The following AAK1 variants were observed in gnomAD, a reference collection of about 807,000 sequenced individuals.
AAK1 encodes AP2 associated kinase 1.
AAK1 carries 37 observed loss-of-function variants against 116.0 expected under a neutral mutation model. That is an observed-to-expected ratio of 0.32 (90% CI 0.25 to 0.42). The LOEUF (loss-of-function observed/expected upper bound fraction) is 0.42. Ranked by LOEUF, AAK1 falls within the 10% of genes least tolerant of loss-of-function variation. The pLI, the probability that AAK1 is intolerant of heterozygous loss-of-function variation, is 1.00. For missense variants in AAK1, 919 were observed against 1,170.6 expected (o/e 0.79, Z 3.14); for synonymous variants, 458 against 439.9 (o/e 1.04, Z -0.51).
intron 3 of AAK1, among the ~76,000 whole-genome samples, chr2:69,549,416 A>ATTAT (rs1431434254): frequency 2.0e-5 from 3 of 152,182 alleles, no homozygotes; most frequent in Admixed American, 6.5e-5. Context: ...GTGAAATAGC[A>ATTAT]TTATTTAGAC....
intron 2 of AAK1, among the ~76,000 whole-genome samples, chr2:69,627,745 G>C (rs1483371471): frequency 6.6e-6 from 1 of 152,116 alleles, no homozygotes; most frequent in Non-Finnish European, 1.5e-5. Flanking sequence ...CTCCATTTCA[G>C]TTTTCATTCC....
At position 69,530,698 on chromosome 2, in the gene AAK1, G is replaced by A; in HGVS notation, c.665C>T (p.Thr222Met). 1.9e-6 allele frequency: 3 copies of A among 1,611,854 alleles called. No homozygotes were observed. Among genetic ancestry groups the A allele is most frequent in the Non-Finnish European group, 2.5e-6 (3 of 1,178,056 alleles). Reference sequence around the variant, plus strand: ...CATTTCTGGTGCTCGATAGGACAGCGTTGTGTATCTACAATCAAGAGATTC... The same window carrying A: ...CATTTCTGGTGCTCGATAGGACAGCATTGTGTATCTACAATCAAGAGATTC... ...AVEDEIKKYTTLSYRAPEMVN... is the reference protein window; with the variant it reads ...AVEDEIKKYTMLSYRAPEMVN... The change falls in exon 7 of 22, where the codon ACG (threonine) becomes ATG (methionine). Residue 222 changes from threonine (T) to methionine (M), a missense_variant. Physicochemically the swap from Thr to Met is moderately conservative, Grantham distance 81. Around this residue, in one of 4 missense-constraint regions of AAK1, gnomAD observed 317 missense variants for 490.4 expected, o/e 0.65. Coordinates refer to ENST00000409085, the MANE Select transcript of AAK1 (RefSeq NM_014911.5).
chr2:69,624,701 A>C (rs963535915), intron 2 of AAK1, among the ~76,000 whole-genome samples: 11 of 152,354 alleles, frequency 7.2e-5, no homozygotes, highest in African/African-American at 2.6e-4. Context: ...CATTGCTTCA[A>C]GTTTCCTAGT....
chr2:69,632,816 G>A (rs1459871639), intron 2 of AAK1, among the ~76,000 whole-genome samples: 1 of 151,988 alleles, frequency 6.6e-6, no homozygotes, highest in African/African-American at 2.4e-5. Context: ...AGTGGATCAC[G>A]AGGTCGGGAG....
Position 69,472,517 on chromosome 2 carries a change from A to G in AAK1, c.*3352T>C. On this transcript the variant is annotated 3_prime_UTR_variant, in exon 22 of 22. Coordinates refer to ENST00000409085, the MANE Select transcript of AAK1 (RefSeq NM_014911.5). ...ACATTGAGGGGAACAACACTTAATT[A>G]GATGTCAAAATTCTGATATGTCTGC... 1.3e-6 allele frequency: 1 copy of G among 741,460 alleles called. No homozygotes were observed. Among genetic ancestry groups the G allele is most frequent in the Non-Finnish European group, 1.6e-6 (1 of 607,420 alleles). The allele number at this position is 741,460 out of a possible 1,614,324, so 45.9% of individuals were successfully genotyped here.
chr2:69,608,127 GGCAATAAATGCAGGCA>G lies in AAK1; in HGVS notation c.163+34735_163+34750del, dbSNP rs1217598928. On this transcript the variant is annotated intron_variant, in intron 2 of 21. Coordinates refer to ENST00000409085, the MANE Select transcript of AAK1 (RefSeq NM_014911.5). ...AGCTTTCTAAGAAGCAATGTGTCCT[GGCAATAAATGCAGGCA>G]GCAATAAATGCAGGCAGCACCTGCA... Among the ~76,000 whole-genome samples the G allele has an allele frequency of 2.6e-5, 4 of 152,268 alleles. No homozygotes were observed. The South Asian group carries it at 6.2e-4, about 24-fold the overall frequency.
At chr2:69,604,868 ACT>A (rs1673731835) in intron 2 of AAK1, among the ~76,000 whole-genome samples, 3 of 152,086 alleles carry the variant, frequency 2.0e-5, no homozygotes, top group South Asian at 4.2e-4. Flanking sequence ...CTCCTTCTAG[ACT>A]CTAAATTTTG....
In AAK1 at chr2:69,478,059, T is replaced by C. The variant is rs115223498; in HGVS notation, c.2680+892A>G. Among the ~76,000 whole-genome samples, 790 of 152,242 alleles carry C rather than the reference T, an allele frequency of 5.2e-3. 4 individuals carry two copies. The highest frequency in any genetic ancestry group is 8.7e-3 in the Non-Finnish European group (590 of 68,012). On this transcript the variant is annotated intron_variant, in intron 20 of 21. Transcript: ENST00000409085. ...CCACTATTAACCCAAGACTGAAAAA[T>C]GAAAATAGTAGATTAGAAAGAGAAA... is the stretch of plus-strand genomic sequence containing the variant.
intron 5 of AAK1, among the ~76,000 whole-genome samples, chr2:69,537,353 A>C (rs957327718): frequency 6.6e-6 from 1 of 152,188 alleles, no homozygotes; most frequent in African/African-American, 2.4e-5. Flanking sequence ...CTTTCAGTTT[A>C]TTTCCTCTGT....
chr2:69,505,449 T>C (rs1676147080), intron 16 of AAK1, 120 bp downstream of exon 16: 2 of 597,476 alleles, frequency 3.3e-6, no homozygotes, highest in South Asian at 2.3e-5. Flanking sequence ...CATATATATA[T>C]ATATACACGG....
At position 69,471,473 on chromosome 2, in the gene AAK1, G is replaced by A. The variant is rs1674679484; in HGVS notation, c.*4396C>T. On this transcript the variant is annotated 3_prime_UTR_variant, in exon 22 of 22. Transcript: ENST00000409085. Reference sequence around the variant, plus strand: ...AGAGAGGAATAAAGATAGCTTTGCAGTATCTGGAGTGTTTCAGGAAAGCTT... The same window carrying A: ...AGAGAGGAATAAAGATAGCTTTGCAATATCTGGAGTGTTTCAGGAAAGCTT... The A allele has an allele frequency of 3.0e-6, 3 of 985,332 alleles. No individual in the cohort carries two copies. The highest frequency in any genetic ancestry group is 3.5e-5 in the African/African-American group (2 of 57,244). The allele number at this position is 985,332 out of a possible 1,614,324, so 61.0% of individuals were successfully genotyped here. A position where few individuals can be genotyped will look rare whatever the true frequency, so the allele number is the denominator to read the frequency against.
intron 2 of AAK1, among the ~76,000 whole-genome samples, chr2:69,595,547 T>C (rs1008426566): frequency 6.6e-6 from 1 of 152,228 alleles, no homozygotes; most frequent in African/African-American, 2.4e-5. Context: ...CTAACTCTCC[T>C]CAATTCTATG....
chr2:69,530,781 T>C (rs1254865668), intron 6 of AAK1, 75 bp from the exon 7 acceptor site: 2 of 1,200,680 alleles, frequency 1.7e-6, no homozygotes. Context: ...AGAAATACTT[T>C]TTTTCTTTTT....
At chr2:69,634,932 A>C (rs1675382333) in intron 2 of AAK1, among the ~76,000 whole-genome samples, 1 of 152,260 alleles carries the variant, frequency 6.6e-6, no homozygotes, top group South Asian at 2.1e-4. Context: ...GTAGTGTACA[A>C]GATGACAATG....
At chr2:69,481,391 C>T (rs1470660867) in intron 18 of AAK1, 1 of 152,886 alleles carries the variant, frequency 6.5e-6, no homozygotes, top group African/African-American at 2.4e-5. Flanking sequence ...GGCTGAAAGG[C>T]ACCTTAATTT....
At chr2:69,495,068 G>A (rs1246586062) in intron 17 of AAK1, among the ~76,000 whole-genome samples, 1 of 152,076 alleles carries the variant, frequency 6.6e-6, no homozygotes, top group African/African-American at 2.4e-5. Context: ...GTCAAGAGTT[G>A]GTAGGGGCAA....
At chr2:69,538,280 C>A (rs750340008) in intron 5 of AAK1, among the ~76,000 whole-genome samples, 1 of 152,246 alleles carries the variant, frequency 6.6e-6, no homozygotes, top group African/African-American at 2.4e-5. Context: ...CTCACTCTAG[C>A]CTTTCATTCC....
rs769443047 is a variant in AAK1 at position 69,544,487 on chromosome 2, C to T, written c.340G>A (p.Val114Met). 20 of 1,613,720 alleles carry T rather than the reference C, an allele frequency of 1.2e-5. No individual in the cohort carries two copies. The highest frequency in any genetic ancestry group is 1.0e-4 in the Admixed American group (6 of 60,000). Residue 114 changes from valine to methionine, a missense_variant, in exon 4 of 22, where the codon GTG (valine) becomes ATG (methionine). This residue lies in a region of AAK1 where 317 missense variants were observed against 490.4 expected (regional missense o/e 0.65). Coordinates refer to ENST00000409085, the MANE Select transcript of AAK1 (RefSeq NM_014911.5). ...VGYIDSSINN[V>M]SSGDVWEVLI... is the part of the protein sequence containing the mutation. Reference sequence around the variant, plus strand: ...ACTTCCCATACATCACCGCTACTCACGTTGTTGATACTAGAATCAATGTAA... The same window carrying T: ...ACTTCCCATACATCACCGCTACTCATGTTGTTGATACTAGAATCAATGTAA...
At chr2:69,593,278 A>G (rs1322301447) in intron 2 of AAK1, among the ~76,000 whole-genome samples, 2 of 152,190 alleles carry the variant, frequency 1.3e-5, no homozygotes, top group Non-Finnish European at 2.9e-5. Flanking sequence ...GAAATTGACT[A>G]ACTAGATTAT....
Sources: allele counts gnomAD v4.1 joint callset (sites outside exome capture counted in the v4.1 genomes callset), GRCh38; gene constraint gnomAD v4.1.1; regional missense constraint gnomAD v4.1.1; transcripts MANE v1.5; gene names NCBI Gene and HGNC (gene_info 2026-07-23, HGNC 2026-07-21).